PRKCQ: variants seen among roughly 807,000 people sequenced by gnomAD.
PRKCQ encodes the protein protein kinase C theta, also known as protein kinase C theta type.
Under a neutral mutation model 91.2 loss-of-function variants are expected in PRKCQ, and 41 were observed. That is an observed-to-expected ratio of 0.45 (90% CI 0.35 to 0.58). The LOEUF (loss-of-function observed/expected upper bound fraction) is 0.58, where lower values mean the gene tolerates loss of function less well. PRKCQ is among the 20% of genes least tolerant of loss of function. PRKCQ has a pLI of 0.00. For missense variants in PRKCQ, 673 were observed against 896.5 expected (o/e 0.75, Z 3.18); for synonymous variants, 307 against 316.9 (o/e 0.97, Z 0.33).
intron 1 of PRKCQ, among the ~76,000 whole-genome samples, chr10:6,519,767 C>T (rs574386126): frequency 3.3e-5 from 5 of 152,254 alleles, no homozygotes; most frequent in Admixed American, 3.3e-4. Context: ...GTATGTTGGA[C>T]ATATGTTTAC....
At chr10:6,470,463 T>C (rs918875930) in intron 12 of PRKCQ, among the ~76,000 whole-genome samples, 2 of 152,182 alleles carry the variant, frequency 1.3e-5, no homozygotes, top group African/African-American at 4.8e-5. Flanking sequence ...CAACGTAATG[T>C]TGGGTCTAAT....
chr10:6,549,075 T>C (rs1441683561), intron 1 of PRKCQ, among the ~76,000 whole-genome samples: 1 of 152,140 alleles, frequency 6.6e-6, no homozygotes, highest in East Asian at 1.9e-4. Flanking sequence ...ACCTCTGTTT[T>C]CCAAGGGCTT....
chr10:6,421,430 A>G, the PRKCQ span, among the ~76,000 whole-genome samples: 1 of 152,194 alleles, frequency 6.6e-6, no homozygotes, highest in Non-Finnish European at 1.5e-5. The surrounding 1 kb of genome is among the most constrained non-coding windows in gnomAD (Gnocchi z 4.1). Flanking sequence ...GGCTGCAGTG[A>G]GCTGTATTTG....
intron 1 of PRKCQ, among the ~76,000 whole-genome samples, chr10:6,543,268 G>A (rs973988483): frequency 5.3e-5 from 8 of 152,352 alleles, no homozygotes; most frequent in African/African-American, 1.9e-4. Context: ...TCACACAGGT[G>A]GAGTTCGCGG....
At chr10:6,412,984 A>C in the PRKCQ span, among the ~76,000 whole-genome samples, 2 of 151,956 alleles carry the variant, frequency 1.3e-5, no homozygotes, top group Non-Finnish European at 2.9e-5. Context: ...ACAGAGTCTC[A>C]CTCTGTTGCC....
chr10:6,436,619 T>C (rs1833710831), intron 16 of PRKCQ, among the ~76,000 whole-genome samples: 1 of 152,182 alleles, frequency 6.6e-6, no homozygotes, highest in Non-Finnish European at 1.5e-5. Context: ...CTGACTTCCA[T>C]TTCTATGGTG....
chr10:6,399,360 T>A, the PRKCQ span, among the ~76,000 whole-genome samples: 8 of 152,190 alleles, frequency 5.3e-5, no homozygotes, highest in Non-Finnish European at 1.0e-4. Flanking sequence ...CTTTCTGCAG[T>A]GAGTTTTAAA....
chr10:6,461,825 A>T (rs531892969), intron 14 of PRKCQ, among the ~76,000 whole-genome samples: 1 of 152,332 alleles, frequency 6.6e-6, no homozygotes, highest in South Asian at 2.1e-4. Context: ...ACATTTTGAG[A>T]AAAGAAGTGA....
At chr10:6,486,470 G>C (rs1282685748) in intron 8 of PRKCQ, among the ~76,000 whole-genome samples, 1 of 152,186 alleles carries the variant, frequency 6.6e-6, no homozygotes, top group African/African-American at 2.4e-5. Context: ...GCAACACCCA[G>C]ACGTTACCAC....
At position 6,428,312 on chromosome 10, in the gene PRKCQ, C is replaced by A. The variant is rs1017468413; in HGVS notation, c.2016G>T (p.Lys672Asn). The A allele has an allele frequency of 6.2e-7, 1 of 1,614,062 alleles. No homozygotes were observed. The highest frequency in any genetic ancestry group is 8.5e-7 in the Non-Finnish European group (1 of 1,179,990). ...CTCTGTCGGCAAATGACAGCCGGGG[C>A]TTCTCGTTTAAGAATTCTTTGTCGA... ...SNFDKEFLNEKPRLSFADRAL... is the reference protein window; with the variant it reads ...SNFDKEFLNENPRLSFADRAL... The change falls in exon 18 of 18, where the codon AAG becomes AAT. Residue 672 changes from lysine (K) to asparagine (N), a missense_variant. By Grantham distance (94) the Lys-to-Asn change is moderately conservative. Coordinates refer to ENST00000263125, the MANE Select transcript of PRKCQ (RefSeq NM_006257.5).
chr10:6,457,766 C>A, intron 14 of PRKCQ, among the ~76,000 whole-genome samples: 1 of 152,142 alleles, frequency 6.6e-6, no homozygotes, highest in East Asian at 1.9e-4. Context: ...GGACTAAGAT[C>A]CTGCACCATA....
the PRKCQ span, among the ~76,000 whole-genome samples, chr10:6,395,075 T>TTTTC: frequency 2.4e-3 from 321 of 135,784 alleles, 3 homozygotes; most frequent in African/African-American, 8.6e-3. Flanking sequence ...TTTTTTTTTT[T>TTTTC]TTTTTGAGAC....
chr10:6,512,776 T>G (rs544702933), intron 2 of PRKCQ, among the ~76,000 whole-genome samples: 4 of 152,246 alleles, frequency 2.6e-5, no homozygotes, highest in Non-Finnish European at 5.9e-5. Context: ...AGGAGTTGAA[T>G]AAGCTTGAAA....
chr10:6,447,826 C>T (rs1156517889), intron 15 of PRKCQ, among the ~76,000 whole-genome samples: 6 of 152,194 alleles, frequency 3.9e-5, no homozygotes, highest in Non-Finnish European at 8.8e-5. Context: ...GTAGGTGAGA[C>T]AGCAGCGGAA....
intron 7 of PRKCQ, among the ~76,000 whole-genome samples, chr10:6,496,111 G>A (rs1211264663): frequency 6.6e-6 from 1 of 151,326 alleles, no homozygotes; most frequent in Admixed American, 6.6e-5. Context: ...AGCTACTCAG[G>A]AGGCTGAGGC....
chr10:6,509,287 A>T (rs1838351117), intron 3 of PRKCQ, among the ~76,000 whole-genome samples: 1 of 152,346 alleles, frequency 6.6e-6, no homozygotes, highest in African/African-American at 2.4e-5. Flanking sequence ...CCTGCCTATC[A>T]GTGAAGACTA....
chr10:6,552,608 C>A (rs1441482216), intron 1 of PRKCQ, among the ~76,000 whole-genome samples: 1 of 152,082 alleles, frequency 6.6e-6, no homozygotes. Flanking sequence ...ACACTGCAGG[C>A]ATGCACCACC....
chr10:6,561,708 A>T (rs1172891881), intron 1 of PRKCQ, among the ~76,000 whole-genome samples: 1 of 152,240 alleles, frequency 6.6e-6, no homozygotes, highest in Non-Finnish European at 1.5e-5. Context: ...ATGACTCAAG[A>T]ATGTTAATCT....
chr10:6,540,317 A>T (rs2130914972), intron 1 of PRKCQ, among the ~76,000 whole-genome samples: 1 of 152,260 alleles, frequency 6.6e-6, no homozygotes, highest in Middle Eastern at 3.4e-3. Flanking sequence ...TGCAACCATC[A>T]CCACCATCCA....
Sources: gnomAD v4.1 joint callset for allele counts (sites outside exome capture counted in the v4.1 genomes callset) on GRCh38, gnomAD v4.1.1 for gene constraint, Gnocchi (gnomAD v3.1) non-coding constraint, MANE v1.5 for transcripts, NCBI Gene and HGNC (gene_info 2026-07-23, HGNC 2026-07-21) for gene names.